RTL4: variants seen among roughly 807,000 people sequenced by gnomAD.
The protein encoded by RTL4 is retrotransposon Gag-like protein 4.
Under a neutral mutation model 5.3 loss-of-function variants are expected in RTL4, and 4 were observed. The observed-to-expected ratio is 0.75, with a 90% CI of 0.37 to 1.72. The LOEUF (loss-of-function observed/expected upper bound fraction) is 1.72, where lower values mean the gene tolerates loss of function less well. Among genes scored for constraint, RTL4 ranks in the 40% most tolerant of loss-of-function variants. The probability of loss-of-function intolerance (pLI) is 0.04; values close to 1 mark genes in which losing one functional copy is unlikely to be tolerated. For missense variants in RTL4, 260 were observed against 227.1 expected (o/e 1.14, Z -0.93); for synonymous variants, 98 against 87.3 (o/e 1.12, Z -0.68).
the RTL4 span, among the ~76,000 whole-genome samples, chrX:112,143,576 A>G: frequency 8.9e-6 from 1 of 112,129 alleles, no homozygotes; most frequent in East Asian, 2.8e-4. Flanking sequence ...TCTATGAGGC[A>G]TCACGTTTCA....
chrX:112,142,546 C>G, the RTL4 span, among the ~76,000 whole-genome samples: 1 of 111,816 alleles, frequency 8.9e-6, no homozygotes, highest in African/African-American at 3.3e-5. Context: ...AAGATCAGAG[C>G]CTGAACAATT....
chrX:112,273,067 C>G, the RTL4 span, among the ~76,000 whole-genome samples: 14 of 111,544 alleles, frequency 1.3e-4, no homozygotes, highest in African/African-American at 3.9e-4. Context: ...TGTTCTTTTC[C>G]ACTACATGAA....
the RTL4 span, among the ~76,000 whole-genome samples, chrX:112,254,600 T>A: frequency 2.7e-5 from 3 of 111,152 alleles, no homozygotes; most frequent in African/African-American, 9.8e-5. Context: ...GTGCTGGGAT[T>A]ACAGGTGTGA....
At chrX:112,103,968 T>C in the RTL4 span, among the ~76,000 whole-genome samples, 3 of 111,130 alleles carry the variant, frequency 2.7e-5, no homozygotes, top group African/African-American at 9.8e-5. Context: ...ACAGTCACCA[T>C]GTTGTACAAT....
chrX:112,120,267 G>GTTTT, the RTL4 span, among the ~76,000 whole-genome samples: 1 of 111,824 alleles, frequency 8.9e-6, no homozygotes, highest in Admixed American at 9.5e-5. Flanking sequence ...AAAACTTAAG[G>GTTTT]TTTTGTTTGT....
chrX:112,159,439 C>A, the RTL4 span, among the ~76,000 whole-genome samples: 1 of 111,802 alleles, frequency 8.9e-6, no homozygotes, highest in South Asian at 3.8e-4. Context: ...GATGTGACAT[C>A]CATCTTCCCA....
chrX:112,249,090 G>C, the RTL4 span, among the ~76,000 whole-genome samples: 1 of 112,076 alleles, frequency 8.9e-6, no homozygotes, highest in Non-Finnish European at 1.9e-5. Context: ...AAATAAAGAT[G>C]GGTATTCAAT....
At chrX:112,266,244 C>T in the RTL4 span, among the ~76,000 whole-genome samples, 1 of 111,350 alleles carries the variant, frequency 9.0e-6, no homozygotes, top group Non-Finnish European at 1.9e-5. Context: ...AACACTTCTG[C>T]AATCCAATAC....
At chrX:112,199,721 C>T in the RTL4 span, among the ~76,000 whole-genome samples, 1 of 111,607 alleles carries the variant, frequency 9.0e-6, no homozygotes, top group Admixed American at 9.5e-5. Flanking sequence ...ATGAAACTCA[C>T]TTCCTAGAAG....
the RTL4 span, among the ~76,000 whole-genome samples, chrX:112,240,527 A>G: frequency 0.26 from 28,728 of 110,829 alleles, 3,752 homozygotes; most frequent in African/African-American, 0.52. Flanking sequence ...ATCAATTGTT[A>G]AACATCTCAT....
At chrX:112,419,825 G>T in the RTL4 span, among the ~76,000 whole-genome samples, 1 of 107,274 alleles carries the variant, frequency 9.3e-6, no homozygotes, top group African/African-American at 3.4e-5. Flanking sequence ...TGCAGCCAGG[G>T]CTACCATATG....
the RTL4 span, among the ~76,000 whole-genome samples, chrX:112,168,544 AAAACCAAGATGGT>A: frequency 1.8e-5 from 2 of 111,801 alleles, no homozygotes; most frequent in Non-Finnish European, 3.8e-5. Flanking sequence ...CAAACCCACC[AAAACCAAGATGGT>A]GATGAAAGTG....
At chrX:112,162,477 G>T in the RTL4 span, among the ~76,000 whole-genome samples, 4 of 111,644 alleles carry the variant, frequency 3.6e-5, no homozygotes, top group Non-Finnish European at 7.5e-5. Flanking sequence ...TTAATGAAAG[G>T]AGAAATGATT....
chrX:112,190,725 T>C, the RTL4 span, among the ~76,000 whole-genome samples: 1 of 112,350 alleles, frequency 8.9e-6, no homozygotes, highest in African/African-American at 3.2e-5. Context: ...GATTTCCTTC[T>C]TCCTGGGGCT....
At chrX:112,156,729 T>C in the RTL4 span, among the ~76,000 whole-genome samples, 1 of 111,676 alleles carries the variant, frequency 9.0e-6, no homozygotes, top group African/African-American at 3.3e-5. Context: ...CATTATGACT[T>C]GTATAAAGCT....
At chrX:112,406,757 G>C in the RTL4 span, among the ~76,000 whole-genome samples, 1 of 110,239 alleles carries the variant, frequency 9.1e-6, no homozygotes, top group Non-Finnish European at 1.9e-5. Flanking sequence ...CCATCTGCTT[G>C]AGGAGAGGAG....
At chrX:112,145,338 T>C in the RTL4 span, among the ~76,000 whole-genome samples, 1 of 111,813 alleles carries the variant, frequency 8.9e-6, no homozygotes, top group African/African-American at 3.3e-5. Flanking sequence ...AGTGAATTAA[T>C]GTCAGGGTGT....
chrX:112,103,656 A>G, the RTL4 span, among the ~76,000 whole-genome samples: 1 of 111,439 alleles, frequency 9.0e-6, no homozygotes, highest in African/African-American at 3.3e-5. Context: ...ATGATACTCA[A>G]GTGAATATAA....
chrX:112,254,671 C>CG, the RTL4 span, among the ~76,000 whole-genome samples: 22,076 of 109,155 alleles, frequency 0.2, 1,815 homozygotes, highest in African/African-American at 0.3. Context: ...TGAACAGGGG[C>CG]GGGGGGCATT....
Sources: allele counts gnomAD v4.1 joint callset (sites outside exome capture counted in the v4.1 genomes callset), GRCh38; gene constraint gnomAD v4.1.1; transcripts MANE v1.5; gene names NCBI Gene and HGNC (gene_info 2026-07-23, HGNC 2026-07-21).